MSRB3: variants seen among roughly 807,000 people sequenced by gnomAD.
MSRB3 encodes methionine-R-sulfoxide reductase B3.
In MSRB3, 13 loss-of-function variants were observed where a neutral mutation model predicts 21.0. The ratio of observed to expected loss-of-function variants is 0.62; its 90% CI spans 0.40 to 0.98. MSRB3 has a LOEUF of 0.98. Among genes scored for constraint, MSRB3 ranks in the 50% least tolerant of loss-of-function variants. The pLI is 0.00. For missense variants in MSRB3, 199 were observed against 230.3 expected (o/e 0.86, Z 0.88); for synonymous variants, 87 against 88.6 (o/e 0.98, Z 0.10).
At chr12:65,405,407 C>A (rs1035412550) in intron 5 of MSRB3, among the ~76,000 whole-genome samples, 1 of 150,450 alleles carries the variant, frequency 6.6e-6, no homozygotes, top group Non-Finnish European at 1.5e-5. Context: ...TTTTTAAGGC[C>A]GAATAGTATT....
chr12:65,350,177 C>A (rs1876847621), intron 4 of MSRB3, among the ~76,000 whole-genome samples: 1 of 151,510 alleles, frequency 6.6e-6, no homozygotes, highest in South Asian at 2.1e-4. Flanking sequence ...ATCCTTTCCC[C>A]ATTGCTTGTT....
At chr12:65,365,428 C>G (rs898660157) in intron 4 of MSRB3, among the ~76,000 whole-genome samples, 4 of 152,084 alleles carry the variant, frequency 2.6e-5, no homozygotes, top group African/African-American at 9.7e-5. Flanking sequence ...AATAATATGG[C>G]AATAGTTCCA....
intron 1 of MSRB3, chr12:65,285,416 A>C (rs2136385899): frequency 6.6e-6 from 1 of 152,252 alleles, no homozygotes; most frequent in African/African-American, 2.4e-5. Flanking sequence ...CTATTTATTG[A>C]TACTTGGTTT....
intron 4 of MSRB3, among the ~76,000 whole-genome samples, chr12:65,350,352 C>A (rs1004622221): frequency 1.3e-5 from 2 of 151,798 alleles, no homozygotes; most frequent in African/African-American, 4.8e-5. Context: ...GTGATGCCTC[C>A]AGCTTTGCCA....
intron 2 of MSRB3, among the ~76,000 whole-genome samples, chr12:65,319,579 C>A (rs1052756534): frequency 2.0e-5 from 3 of 152,104 alleles, no homozygotes; most frequent in Non-Finnish European, 4.4e-5. Flanking sequence ...TTTTTCTTAT[C>A]TTTCCTGCTA....
Position 65,451,580 on chromosome 12 carries a change from C to T in MSRB3, c.293-2148C>T, listed in dbSNP as rs75481309. On this transcript the variant is annotated intron_variant, in intron 5 of 6. Coordinates refer to ENST00000308259, the MANE Select transcript of MSRB3 (RefSeq NM_001031679.3). ...TTGGCAAGTAACTTATCCTTCTGTT[C>T]CCTCCCACCCCCAAAACCCTGTAAA... Among the ~76,000 whole-genome samples, 102 of 152,138 alleles carry T rather than the reference C, an allele frequency of 6.7e-4. No individual in the cohort carries two copies. The East Asian group carries it at 0.018, about 27-fold the overall frequency.
intron 4 of MSRB3, among the ~76,000 whole-genome samples, chr12:65,358,729 G>A (rs1297802889): frequency 6.6e-6 from 1 of 151,928 alleles, no homozygotes; most frequent in Non-Finnish European, 1.5e-5. Context: ...TCTCTGCTTT[G>A]ACTTTTTCCC....
At chr12:65,347,824 C>T (rs1404552438) in intron 4 of MSRB3, among the ~76,000 whole-genome samples, 1 of 152,150 alleles carries the variant, frequency 6.6e-6, no homozygotes, top group African/African-American at 2.4e-5. Context: ...AAGGCCTTTT[C>T]TGCATCTATT....
intron 5 of MSRB3, among the ~76,000 whole-genome samples, chr12:65,417,651 T>C (rs9668839): frequency 0.94 from 142,729 of 152,232 alleles, 67,647 homozygotes; most frequent in East Asian, 1. Flanking sequence ...AACTCCTTCC[T>C]CTTACCCTTG....
chr12:65,345,623 C>A (rs934625146), intron 4 of MSRB3, among the ~76,000 whole-genome samples: 9 of 152,098 alleles, frequency 5.9e-5, no homozygotes, highest in Non-Finnish European at 1.0e-4. Flanking sequence ...GGTACGTATG[C>A]ACAACGTGCA....
intron 5 of MSRB3, among the ~76,000 whole-genome samples, chr12:65,389,880 T>C (rs1328776377): frequency 6.6e-6 from 1 of 152,220 alleles, no homozygotes; most frequent in African/African-American, 2.4e-5. Flanking sequence ...TTTATGGTCT[T>C]CAATTTCAGG....
chr12:65,279,053 A>C, intron 1 of MSRB3, 188 bp downstream of exon 1: 1 of 1,424,304 alleles, frequency 7.0e-7, no homozygotes, highest in Non-Finnish European at 9.1e-7. Context: ...GCCAGCGGTG[A>C]GGGGCCGAAC....
chr12:65,454,803 A>T (rs992631034), intron 6 of MSRB3, among the ~76,000 whole-genome samples: 10 of 152,218 alleles, frequency 6.6e-5, no homozygotes, highest in Non-Finnish European at 1.3e-4. Flanking sequence ...GGAGGCAAAA[A>T]TAGTTAATCT....
At chr12:65,393,495 T>C (rs1486499232) in intron 5 of MSRB3, among the ~76,000 whole-genome samples, 1 of 151,876 alleles carries the variant, frequency 6.6e-6, no homozygotes, top group African/African-American at 2.4e-5. Flanking sequence ...TAGCCAGGCA[T>C]GGTGGTGGGC....
chr12:65,303,159 C>T (rs1047615859), intron 1 of MSRB3, among the ~76,000 whole-genome samples: 3 of 151,994 alleles, frequency 2.0e-5, no homozygotes, highest in Non-Finnish European at 2.9e-5. Context: ...GGAAGGGATT[C>T]GACCTTTAGG....
At chr12:65,433,403 A>T (rs899694307) in intron 5 of MSRB3, among the ~76,000 whole-genome samples, 1 of 151,884 alleles carries the variant, frequency 6.6e-6, no homozygotes, top group Non-Finnish European at 1.5e-5. Context: ...TTCCTCTTAG[A>T]ATTAAAAAAA....
At chr12:65,289,347 T>C (rs1457093571) in intron 1 of MSRB3, among the ~76,000 whole-genome samples, 1 of 152,036 alleles carries the variant, frequency 6.6e-6, no homozygotes, top group Non-Finnish European at 1.5e-5. Flanking sequence ...ATACAAAAGT[T>C]AGCCGGCATG....
intron 5 of MSRB3, among the ~76,000 whole-genome samples, chr12:65,424,420 T>C (rs73322334): frequency 6.6e-5 from 10 of 152,236 alleles, no homozygotes; most frequent in African/African-American, 2.4e-4. Context: ...TTGAGATCTT[T>C]CTTCTTTTTT....
chr12:65,341,009 G>A (rs981214308), intron 4 of MSRB3, among the ~76,000 whole-genome samples: 6 of 151,872 alleles, frequency 4.0e-5, no homozygotes, highest in Non-Finnish European at 5.9e-5. Context: ...TCAACTTATT[G>A]ACAAATGTAA....
Sources: gnomAD v4.1 joint callset for allele counts (sites outside exome capture counted in the v4.1 genomes callset) on GRCh38, gnomAD v4.1.1 for gene constraint, MANE v1.5 for transcripts, NCBI Gene and HGNC (gene_info 2026-07-23, HGNC 2026-07-21) for gene names.